USP24: variants seen among roughly 807,000 people sequenced by gnomAD.
USP24 encodes the protein ubiquitin carboxyl-terminal hydrolase 24.
Under a neutral mutation model 361.6 loss-of-function variants are expected in USP24, and 97 were observed. The observed-to-expected ratio is 0.27, with a 90% confidence interval of 0.23 to 0.32. The LOEUF (loss-of-function observed/expected upper bound fraction) is 0.32. Among genes scored for constraint, USP24 ranks in the 10% least tolerant of loss-of-function variants. The probability of loss-of-function intolerance (pLI) is 1.00; values close to 1 mark genes in which losing one functional copy is unlikely to be tolerated. For synonymous variants in USP24, 1,098 were observed against 1,124.6 expected (o/e 0.98, Z 0.47); for missense variants, 2,353 against 3,165.6 (o/e 0.74, Z 6.16).
chr1:55,150,533 C>T (rs758440475), intron 16 of USP24, among the ~76,000 whole-genome samples: 5 of 152,068 alleles, frequency 3.3e-5, no homozygotes, highest in Non-Finnish European at 5.9e-5. Flanking sequence ...AAACAGATAC[C>T]TTCCCAAAAG....
At chr1:55,178,390 C>T (rs906707694) in intron 1 of USP24, among the ~76,000 whole-genome samples, 3 of 152,150 alleles carry the variant, frequency 2.0e-5, no homozygotes, top group Non-Finnish European at 4.4e-5. Flanking sequence ...CTGTCCAGGC[C>T]GGGCGCAGTG....
intron 50 of USP24, 144 bp from the exon 51 acceptor site, chr1:55,095,540 G>T: frequency 1.1e-6 from 1 of 880,592 alleles, no homozygotes. Flanking sequence ...AAATGTGAGT[G>T]TCTTTAGAGT....
In USP24 at chr1:55,177,975, G is replaced by C. The variant is rs1244540821; in HGVS notation, c.482C>G (p.Ala161Gly). ...AAGGTCTGAAAACTTACCAAGTCTT[G>C]CTAGGTAGGTAGATGCCAACAGGCA... Reference protein sequence around the residue: ...GKCLLASTYLARLGLSESDEN... With the variant: ...GKCLLASTYLGRLGLSESDEN... The change falls in exon 2 of 68, where the codon GCA becomes GGA. Residue 161 changes from alanine to glycine, a missense_variant. By Grantham distance (60) the Ala-to-Gly change is moderately conservative. Around this residue, in one of 8 missense-constraint regions of USP24, gnomAD observed 253 missense variants for 255.3 expected, o/e 0.99. Coordinates refer to ENST00000294383, the MANE Select transcript of USP24 (RefSeq NM_015306.3). 1 of 1,551,144 alleles carries C rather than the reference G, an allele frequency of 6.4e-7. No homozygotes were observed. The highest frequency in any genetic ancestry group is 1.4e-5 in the African/African-American group (1 of 73,006).
chr1:55,120,904 G>T, intron 37 of USP24, 148 bp from the exon 38 acceptor site: 1 of 1,098,472 alleles, frequency 9.1e-7, no homozygotes, highest in Non-Finnish European at 1.2e-6. Context: ...AGATTTTAAT[G>T]GTAAGGTTTT....
intron 50 of USP24, 40 bp downstream of exon 50, chr1:55,096,457 AT>A (rs1645498642): frequency 6.9e-7 from 1 of 1,441,930 alleles, no homozygotes; most frequent in Non-Finnish European, 9.2e-7. Context: ...AAAACGATAA[AT>A]AAAAAAACTA....
chr1:55,176,520 A>ATTATTT, intron 2 of USP24, 77 bp from the exon 3 acceptor site: 9 of 1,325,448 alleles, frequency 6.8e-6, no homozygotes, highest in South Asian at 1.3e-5. Context: ...ATGAAATAAT[A>ATTATTT]CACGTTATTT....
At chr1:55,114,664 A>G (rs1307856782) in intron 38 of USP24, among the ~76,000 whole-genome samples, 2 of 152,210 alleles carry the variant, frequency 1.3e-5, no homozygotes, top group Non-Finnish European at 2.9e-5. Flanking sequence ...TATTTAATAA[A>G]TGTTTTTGGG....
At chr1:55,097,197 T>A (rs1458128831) in intron 48 of USP24, 25 bp from the exon 49 acceptor site, 2 of 1,610,686 alleles carry the variant, frequency 1.2e-6, no homozygotes, top group Non-Finnish European at 1.7e-6. Flanking sequence ...AAAGACCATA[T>A]TAACGTTGAT....
At chr1:55,213,535 T>G (rs1199422371) in intron 1 of USP24, among the ~76,000 whole-genome samples, 1 of 152,214 alleles carries the variant, frequency 6.6e-6, no homozygotes, top group Non-Finnish European at 1.5e-5. Flanking sequence ...TCACTAAGCT[T>G]AATTCTTCAT....
chr1:55,143,465 G>C (rs1320020881), intron 21 of USP24, among the ~76,000 whole-genome samples: 3 of 152,136 alleles, frequency 2.0e-5, no homozygotes, highest in Non-Finnish European at 4.4e-5. Flanking sequence ...TCTTCAAAAG[G>C]AAACAGTCAA....
At chr1:55,180,309 C>T (rs1476060664) in intron 1 of USP24, among the ~76,000 whole-genome samples, 3 of 152,174 alleles carry the variant, frequency 2.0e-5, no homozygotes, top group Admixed American at 2.0e-4. Flanking sequence ...CTACAGCTTC[C>T]TCCTGGTTCT....
Position 55,214,915 on chromosome 1 carries a change from C to G in USP24, c.199G>C (p.Gly67Arg). 1 of 1,295,902 alleles carries G rather than the reference C, an allele frequency of 7.7e-7. No individual in the cohort carries two copies. Among genetic ancestry groups the G allele is most frequent in the Non-Finnish European group, 9.9e-7 (1 of 1,013,798 alleles). The allele number at this position is 1,295,902 out of a possible 1,614,324, so 80.3% of individuals were successfully genotyped here. The change falls in exon 1 of 68, where the codon GGC becomes CGC. Residue 67 changes from glycine (G) to arginine (R), a missense_variant. By Grantham distance (125) the Gly-to-Arg change is moderately radical. Coordinates refer to ENST00000294383, the MANE Select transcript of USP24 (RefSeq NM_015306.3). ...CCGCCGTCGCCCCGCGGGCCCCCGCCGGGCCCGGGGCTGGGGCCACCGCCG... is the reference window on the plus strand; with the variant it reads ...CCGCCGTCGCCCCGCGGGCCCCCGCGGGGCCCGGGGCTGGGGCCACCGCCG... ...DSGGGPSPGP[G>R]GGPRGDGGGD...
At chr1:55,109,009 G>A (rs920636304) in intron 39 of USP24, among the ~76,000 whole-genome samples, 1 of 152,136 alleles carries the variant, frequency 6.6e-6, no homozygotes, top group Non-Finnish European at 1.5e-5. Flanking sequence ...ATTTTTTGGA[G>A]ACTCTGTCTC....
intron 1 of USP24, among the ~76,000 whole-genome samples, chr1:55,187,115 AAAAC>A (rs993265683): frequency 3.7e-4 from 57 of 152,264 alleles, no homozygotes; most frequent in African/African-American, 1.1e-3. Context: ...AGTATACAAA[AAAAC>A]AAACAAACAA....
intron 32 of USP24, 87 bp downstream of exon 32, chr1:55,129,390 G>T: frequency 2.8e-6 from 3 of 1,053,078 alleles, no homozygotes; most frequent in East Asian, 2.6e-5. Flanking sequence ...TACCTTGTAG[G>T]AATAAGCAAG....
At chr1:55,147,547 C>T in intron 18 of USP24, 102 bp downstream of exon 18, 2 of 1,279,970 alleles carry the variant, frequency 1.6e-6, no homozygotes, top group African/African-American at 1.5e-5. Flanking sequence ...CCTCATACAA[C>T]CTCTTTATAG....
intron 20 of USP24, 124 bp from the exon 21 acceptor site, chr1:55,144,327 T>TAC: frequency 5.8e-6 from 3 of 516,768 alleles, no homozygotes; most frequent in Non-Finnish European, 9.9e-6. Context: ...TTAGATATGG[T>TAC]ACCAAAGCAG....
At chr1:55,071,043 TG>T in intron 67 of USP24, 1 of 738,462 alleles carries the variant, frequency 1.4e-6, no homozygotes, top group Non-Finnish European at 1.7e-6. Flanking sequence ...ATCACTGTGC[TG>T]GGCTGCAGTT....
Position 55,125,320 on chromosome 1 carries a change from T to C in USP24, c.3960A>G (p.Gln1320=), listed in dbSNP as rs1409751529. The change falls in exon 34 of 68, where the codon CAA becomes CAG. Residue 1320 remains glutamine (Q), a splice_region_variant and synonymous_variant. Transcript: ENST00000294383. Reference sequence around the variant, plus strand: ...TGTCTTGAATACACAAATCACTTACTTGTATTGCAACTCGAGCAGCAGGGA... The same window carrying C: ...TGTCTTGAATACACAAATCACTTACCTGTATTGCAACTCGAGCAGCAGGGA... The part of the protein sequence containing the change: ...EIIPAARVAI[Q]TMEVSDFTST... 2 of 1,613,258 alleles carry C rather than the reference T, an allele frequency of 1.2e-6. No individual in the cohort carries two copies. The highest frequency in any genetic ancestry group is 1.7e-6 in the Non-Finnish European group (2 of 1,179,224).
Sources: allele counts gnomAD v4.1 joint callset (sites outside exome capture counted in the v4.1 genomes callset), GRCh38; gene constraint gnomAD v4.1.1; regional missense constraint gnomAD v4.1.1; transcripts MANE v1.5; gene names NCBI Gene and HGNC (gene_info 2026-07-23, HGNC 2026-07-21).